Variants in EVI5L observed in about 807,000 individuals in gnomAD.
The protein encoded by EVI5L is EVI5-like protein.
Under a neutral mutation model 106.1 loss-of-function variants are expected in EVI5L, and 30 were observed. The observed-to-expected ratio is 0.28, with a 90% CI of 0.21 to 0.38. The LOEUF (loss-of-function observed/expected upper bound fraction) is 0.38. Ranked by LOEUF, EVI5L falls within the 10% of genes least tolerant of loss-of-function variation. EVI5L has a pLI of 1.00. For synonymous variants in EVI5L, 489 were observed against 483.3 expected (o/e 1.01, Z -0.15); for missense variants, 809 against 1,098.0 (o/e 0.74, Z 3.72).
intron 1 of EVI5L, among the ~76,000 whole-genome samples, chr19:7,838,186 G>A (rs995287239): frequency 6.7e-6 from 1 of 149,820 alleles, no homozygotes; most frequent in East Asian, 2.0e-4. Context: ...TCGGCTCACT[G>A]CAACTTCCGC....
At chr19:7,851,030 G>T (rs1222552293) in intron 6 of EVI5L, among the ~76,000 whole-genome samples, 1 of 151,992 alleles carries the variant, frequency 6.6e-6, no homozygotes, top group Non-Finnish European at 1.5e-5. Flanking sequence ...GTGGGGGGGG[G>T]GCTCCCCCCA....
intron 1 of EVI5L, among the ~76,000 whole-genome samples, chr19:7,836,093 C>T (rs2146411297): frequency 6.6e-6 from 1 of 152,120 alleles, no homozygotes; most frequent in South Asian, 2.1e-4. Context: ...AAAAATTAGC[C>T]AGATATGGTG....
chr19:7,863,800 CG>C lies in EVI5L; in HGVS notation c.*99del, dbSNP rs1456321808. ...CCCACCTGCCGCACTTGACAAACTA[CG>C]CGCCCTCTGTGGCTCGGCCACCCCT... On this transcript the variant is annotated 3_prime_UTR_variant, in exon 20 of 20. Coordinates refer to ENST00000538904, the MANE Select transcript of EVI5L (RefSeq NM_001159944.3). This position sits in a 1 kb window ranked among gnomAD's most constrained non-coding sequence, Gnocchi z 7.7. 1 of 1,396,544 alleles carries C rather than the reference CG, an allele frequency of 7.2e-7. No homozygotes were observed. The highest frequency in any genetic ancestry group is 2.7e-5 in the East Asian group (1 of 36,986). The allele number at this position is 1,396,544 out of a possible 1,614,324, so 86.5% of individuals were successfully genotyped here. A position where few individuals can be genotyped will look rare whatever the true frequency, so the allele number is the denominator to read the frequency against.
chr19:7,842,737 A>G (rs1022439086), intron 1 of EVI5L, among the ~76,000 whole-genome samples: 1 of 149,224 alleles, frequency 6.7e-6, no homozygotes, highest in Non-Finnish European at 1.5e-5. Context: ...TATTGTGTGC[A>G]TGTGTGTGAA....
chr19:7,861,947 C>T lies in EVI5L; in HGVS notation c.1573C>T (p.Arg525Trp). 2 of 1,550,186 alleles carry T rather than the reference C, an allele frequency of 1.3e-6. No individual in the cohort carries two copies. The highest frequency in any genetic ancestry group is 1.7e-6 in the Non-Finnish European group (2 of 1,146,982). ...GGAGGAGCTGAAGGCGCTCAAGGTG[C>T]GGGAAGGCCAGGCGGTGGCCTCGAC... ...LQEELKALKV[R>W]EGQAVASTRE... The change falls in exon 15 of 20, where the codon CGG becomes TGG. Residue 525 changes from arginine (R) to tryptophan (W), a missense_variant. By Grantham distance (101) the Arg-to-Trp change is moderately radical. Coordinates refer to ENST00000538904, the MANE Select transcript of EVI5L (RefSeq NM_001159944.3).
chr19:7,832,796 C>T (rs1044154225), intron 1 of EVI5L, among the ~76,000 whole-genome samples: 6 of 152,232 alleles, frequency 3.9e-5, no homozygotes, highest in South Asian at 2.1e-4. Context: ...AGGGTCTTCC[C>T]AGGAGGACCA....
At position 7,839,796 on chromosome 19, in the gene EVI5L, A is replaced by G. The variant is rs531756066; in HGVS notation, c.-47-6700A>G. ...AAATTGGCAAGGCATGGTGGCGAAT[A>G]TCTGTGGTCCCAGATACTCAGGAGG... On this transcript the variant is annotated intron_variant, in intron 1 of 19. Coordinates refer to ENST00000538904, the MANE Select transcript of EVI5L (RefSeq NM_001159944.3). Among the ~76,000 whole-genome samples, 151 of 152,248 alleles carry G rather than the reference A, an allele frequency of 9.9e-4. 1 individual carries two copies. The highest frequency in any genetic ancestry group is 3.5e-3 in the African/African-American group (145 of 41,562).
rs1224553284 is a variant in EVI5L at position 7,864,892 on chromosome 19, C to CA, written c.*1191dup. On this transcript the variant is annotated 3_prime_UTR_variant, in exon 20 of 20. Transcript: ENST00000538904. This position sits in a 1 kb window ranked among gnomAD's most constrained non-coding sequence, Gnocchi z 4.5. ...CACGGGGCTCTCCACACGCCCCCTACACTGCCCGCCACCATTTTGCACACT... is the reference window on the plus strand; with the variant it reads ...CACGGGGCTCTCCACACGCCCCCTACAACTGCCCGCCACCATTTTGCACACT... 6.6e-6 allele frequency: 1 copy of CA among 152,520 alleles called. No individual in the cohort carries two copies. Among genetic ancestry groups the CA allele is most frequent in the African/African-American group, 2.4e-5 (1 of 41,478 alleles). The allele number at this position is 152,520 out of a possible 1,614,324, so 9.4% of individuals were successfully genotyped here.
rs1276930889 is a variant in EVI5L, at chr19:7,848,944, C to T, written c.351C>T (p.Pro117=). The T allele has an allele frequency of 9.3e-6, 15 of 1,611,744 alleles. No individual in the cohort carries two copies. Among genetic ancestry groups the T allele is most frequent in the East Asian group, 4.5e-5 (2 of 44,816 alleles). ...LLKELIRKGI[P]HHFRAIVWQL... ...AGGAGCTGATCCGCAAGGGCATCCC[C>T]CACCACTTCCGGGCCATCGTGTGGC... Residue 117 remains proline (P), a synonymous_variant, in exon 4 of 20, where the codon CCC becomes CCT. Coordinates refer to ENST00000538904, the MANE Select transcript of EVI5L (RefSeq NM_001159944.3). This position sits in a 1 kb window ranked among gnomAD's most constrained non-coding sequence, Gnocchi z 4.8.
rs987566681 is a variant in EVI5L at position 7,856,792 on chromosome 19, G to A, written c.1201-300G>A. 5.9e-5 allele frequency among the ~76,000 whole-genome samples: 9 copies of A among 152,104 alleles called. No homozygotes were observed. The highest frequency in any genetic ancestry group is 2.0e-4 in the Admixed American group (3 of 15,274). ...CAGTTTTTCCAGCCAGCAGCGGCCC[G>A]GCTGACCCTGGAGGGTGGGACAGTG... On this transcript the variant is annotated intron_variant, in intron 11 of 19. Transcript: ENST00000538904. The surrounding 1 kb of genome is among the most constrained non-coding windows in gnomAD (Gnocchi z 6.6).
intron 6 of EVI5L, among the ~76,000 whole-genome samples, chr19:7,851,076 T>C (rs1302822254): frequency 6.6e-6 from 1 of 152,086 alleles, no homozygotes; most frequent in Non-Finnish European, 1.5e-5. Context: ...GCTCCACCTC[T>C]GGGTCTCAGG....
Position 7,860,761 on chromosome 19 carries a change from G to A in EVI5L, c.1503+72G>A. On this transcript the variant is annotated intron_variant, in intron 14 of 19. Coordinates refer to ENST00000538904, the MANE Select transcript of EVI5L (RefSeq NM_001159944.3). ...ACAGGAGGGGTCCTGGATAAGCTTT[G>A]GGAGTGACCCCAGGTCAGAATCCCC... 1.4e-6 allele frequency: 2 copies of A among 1,461,530 alleles called. 1 individual carries two copies. Among genetic ancestry groups the A allele is most frequent in the Admixed American group, 4.4e-5 (2 of 44,986 alleles). 90.5% of individuals were successfully genotyped at this position (1,461,530 alleles called of 1,614,324 possible).
intron 8 of EVI5L, among the ~76,000 whole-genome samples, chr19:7,852,277 G>A (rs1979289511): frequency 1.3e-5 from 2 of 152,134 alleles, no homozygotes; most frequent in Non-Finnish European, 2.9e-5. Context: ...CCCCCTCCCC[G>A]CGTCCTCCAG....
chr19:7,857,365 T>G lies in EVI5L; in HGVS notation c.1233+241T>G. ...GTGCGTTTGGGTGTGAATGTCCACA[T>G]GCATGTACAGAAAGCTTCCTCCGGG... is the stretch of plus-strand genomic sequence containing the variant. On this transcript the variant is annotated intron_variant, in intron 12 of 19. Coordinates refer to ENST00000538904, the MANE Select transcript of EVI5L (RefSeq NM_001159944.3). The surrounding 1 kb of genome is among the most constrained non-coding windows in gnomAD (Gnocchi z 4.5). 1.6e-6 allele frequency: 1 copy of G among 610,424 alleles called. No homozygotes were observed. Among genetic ancestry groups the G allele is most frequent in the Non-Finnish European group, 2.9e-6 (1 of 344,460 alleles). The allele number at this position is 610,424 out of a possible 1,614,324, so 37.8% of individuals were successfully genotyped here.
At chr19:7,862,081 G>A (rs1379396940) in intron 15 of EVI5L, 41 bp from the exon 16 acceptor site, 4 of 1,547,006 alleles carry the variant, frequency 2.6e-6, no homozygotes, top group Non-Finnish European at 3.5e-6. Context: ...CGGGGTTCTT[G>A]GGCGGAGGCT....
At chr19:7,843,607 GTA>G (rs1978808269) in intron 1 of EVI5L, among the ~76,000 whole-genome samples, 3 of 148,322 alleles carry the variant, frequency 2.0e-5, no homozygotes, top group African/African-American at 5.0e-5. Flanking sequence ...AAGTGTGTGT[GTA>G]TAGGTGTGTG....
Position 7,851,861 on chromosome 19 carries a change from C to G in EVI5L, c.987+91C>G. ...CTCACAAGTGACAGAGAGGGCCCGGCTTCGAGGGTGGAAGGTGGTGTGCCT... is the reference window on the plus strand; with the variant it reads ...CTCACAAGTGACAGAGAGGGCCCGGGTTCGAGGGTGGAAGGTGGTGTGCCT... On this transcript the variant is annotated intron_variant, in intron 8 of 19. Coordinates refer to ENST00000538904, the MANE Select transcript of EVI5L (RefSeq NM_001159944.3). 4.1e-6 allele frequency: 5 copies of G among 1,205,184 alleles called. No homozygotes were observed. The South Asian group carries it at 8.8e-5, about 21-fold the overall frequency. 74.7% of individuals were successfully genotyped at this position (1,205,184 alleles called of 1,614,324 possible).
intron 1 of EVI5L, among the ~76,000 whole-genome samples, chr19:7,837,807 G>A (rs866497616): frequency 2.6e-5 from 4 of 151,694 alleles, no homozygotes; most frequent in Middle Eastern, 6.8e-3. Context: ...GGGTTCAAGC[G>A]ATTCTCCTGC....
intron 10 of EVI5L, among the ~76,000 whole-genome samples, chr19:7,854,535 T>C (rs2146432417): frequency 6.6e-6 from 1 of 151,954 alleles, no homozygotes; most frequent in East Asian, 1.9e-4. Context: ...TTTGAGAGGC[T>C]GAGGTGGGAG....
Sources: gnomAD v4.1 joint callset for allele counts (sites outside exome capture counted in the v4.1 genomes callset) on GRCh38, gnomAD v4.1.1 for gene constraint, Gnocchi (gnomAD v3.1) non-coding constraint, MANE v1.5 for transcripts, NCBI Gene and HGNC (gene_info 2026-07-23, HGNC 2026-07-21) for gene names.